The following LRCH3 variants were observed in gnomAD, a reference collection of about 807,000 sequenced individuals.
LRCH3 encodes DISP complex protein LRCH3.
In LRCH3, 68 loss-of-function variants were observed where a neutral mutation model predicts 104.5. The observed-to-expected ratio is 0.65, with a 90% CI of 0.54 to 0.80. LRCH3 has a LOEUF of 0.80. Ranked by LOEUF, LRCH3 falls within the 30% of genes least tolerant of loss-of-function variation. The pLI, the probability that LRCH3 is intolerant of heterozygous loss-of-function variation, is 0.00. For missense variants in LRCH3, 951 were observed against 953.9 expected (o/e 1.00, Z 0.04); for synonymous variants, 344 against 361.3 (o/e 0.95, Z 0.54).
chr3:197,861,717 A>C (rs771710623), intron 15 of LRCH3, among the ~76,000 whole-genome samples: 5 of 152,028 alleles, frequency 3.3e-5, no homozygotes, highest in Non-Finnish European at 7.4e-5. Flanking sequence ...AGTTGAGTTT[A>C]TATCAGTTCT....
At chr3:197,839,120 T>C (rs1737393646) in intron 9 of LRCH3, among the ~76,000 whole-genome samples, 1 of 152,176 alleles carries the variant, frequency 6.6e-6, no homozygotes, top group Non-Finnish European at 1.5e-5. Flanking sequence ...AAATAAATGT[T>C]TGTGGATTGT....
At chr3:197,797,736 C>A (rs1287612747) in intron 1 of LRCH3, among the ~76,000 whole-genome samples, 3 of 151,806 alleles carry the variant, frequency 2.0e-5, no homozygotes, top group Admixed American at 6.6e-5. Flanking sequence ...TTGGCAGGCG[C>A]CTATAATCCC....
chr3:197,828,559 A>G (rs1480459814), intron 5 of LRCH3, among the ~76,000 whole-genome samples: 1 of 149,464 alleles, frequency 6.7e-6, no homozygotes, highest in Non-Finnish European at 1.5e-5. Context: ...GTTAGCCAGA[A>G]TGGTCTCAAT....
intron 10 of LRCH3, among the ~76,000 whole-genome samples, chr3:197,844,945 G>A (rs1182677593): frequency 6.6e-6 from 1 of 152,034 alleles, no homozygotes; most frequent in Non-Finnish European, 1.5e-5. Flanking sequence ...TTAATAAGGG[G>A]AGGACTAAGA....
At chr3:197,861,783 C>CT (rs557362664) in intron 15 of LRCH3, among the ~76,000 whole-genome samples, 1 of 151,288 alleles carries the variant, frequency 6.6e-6, no homozygotes, top group Non-Finnish European at 1.5e-5. Context: ...ATTTCTTAAC[C>CT]TTTTTTTTGC....
intron 2 of LRCH3, among the ~76,000 whole-genome samples, chr3:197,815,679 T>A (rs1166239377): frequency 6.6e-6 from 1 of 152,228 alleles, no homozygotes; most frequent in Non-Finnish European, 1.5e-5. Context: ...GAAATTACTT[T>A]GTTTCTTGTG....
chr3:197,881,226 C>T, intron 20 of LRCH3: 1 of 998,108 alleles, frequency 1.0e-6, no homozygotes, highest in South Asian at 4.4e-5. Context: ...TGAACTGTGT[C>T]CTGAGATCCT....
rs1007503351 is a variant in LRCH3, at chr3:197,856,759, T to A, written c.1645-2075T>A. Among the ~76,000 whole-genome samples, 5 of 152,202 alleles carry A rather than the reference T, an allele frequency of 3.3e-5. No individual in the cohort carries two copies. The highest frequency in any genetic ancestry group is 1.2e-4 in the African/African-American group (5 of 41,450). ...GCTTCATGAACACAAGGATATTCTATTTTGTCTTAATGTACCTTAATACAC... is the reference window on the plus strand; with the variant it reads ...GCTTCATGAACACAAGGATATTCTAATTTGTCTTAATGTACCTTAATACAC... On this transcript the variant is annotated intron_variant, in intron 14 of 20. Transcript: ENST00000425562. This position sits in a 1 kb window ranked among gnomAD's most constrained non-coding sequence, Gnocchi z 4.2.
intron 15 of LRCH3, among the ~76,000 whole-genome samples, chr3:197,860,973 T>A (rs1466185000): frequency 3.1e-4 from 46 of 147,846 alleles, no homozygotes; most frequent in Admixed American, 1.2e-3. Context: ...GACCCCAACT[T>A]TTTTTTTTTT....
chr3:197,868,753 C>T (rs1711648228), intron 17 of LRCH3, among the ~76,000 whole-genome samples: 1 of 152,172 alleles, frequency 6.6e-6, no homozygotes, highest in African/African-American at 2.4e-5. Context: ...ACATACAATA[C>T]AGCATAATTT....
At chr3:197,873,330 T>C (rs1580893423) in intron 19 of LRCH3, among the ~76,000 whole-genome samples, 1 of 152,336 alleles carries the variant, frequency 6.6e-6, no homozygotes, top group African/African-American at 2.4e-5. Flanking sequence ...CTTACAGATG[T>C]AATATACTTT....
intron 1 of LRCH3, among the ~76,000 whole-genome samples, chr3:197,792,238 A>G (rs1490484823): frequency 1.3e-5 from 2 of 151,848 alleles, no homozygotes; most frequent in African/African-American, 2.4e-5. Context: ...TCCGACTCCC[A>G]TTAGTTTCCT....
intron 4 of LRCH3, among the ~76,000 whole-genome samples, chr3:197,826,158 A>G (rs1735178706): frequency 1.3e-5 from 2 of 152,372 alleles, no homozygotes; most frequent in Non-Finnish European, 2.9e-5. Context: ...TATAATGGTA[A>G]TTAAACAACA....
chr3:197,839,763 T>C (rs1737515523), intron 10 of LRCH3, among the ~76,000 whole-genome samples: 1 of 152,048 alleles, frequency 6.6e-6, no homozygotes, highest in African/African-American at 2.4e-5. Context: ...GAGGCTTGCT[T>C]GAGCCCAGGA....
intron 10 of LRCH3, among the ~76,000 whole-genome samples, chr3:197,844,735 A>C (rs996087445): frequency 4.2e-4 from 64 of 151,948 alleles, no homozygotes; most frequent in African/African-American, 1.5e-3. Flanking sequence ...CCCCTGCCTC[A>C]GCCTTCTGAG....
intron 15 of LRCH3, among the ~76,000 whole-genome samples, chr3:197,863,700 C>A (rs1409924965): frequency 6.6e-6 from 1 of 152,188 alleles, no homozygotes; most frequent in African/African-American, 2.4e-5. Flanking sequence ...AGTTCTTCCT[C>A]CTTTTTACAG....
intron 12 of LRCH3, chr3:197,850,351 C>CT (rs199876882): frequency 0.041 from 25,380 of 616,184 alleles, no homozygotes; most frequent in South Asian, 0.053. Context: ...ACCATTTTTT[C>CT]TTTTTTTTTT....
chr3:197,791,236 C>T, upstream of LRCH3: 2 of 1,596,076 alleles, frequency 1.3e-6, no homozygotes, highest in Non-Finnish European at 1.7e-6. Flanking sequence ...GGTCCGGCCG[C>T]GCATGCGCTG....
chr3:197,804,399 C>T (rs375581266), intron 1 of LRCH3, among the ~76,000 whole-genome samples: 1 of 152,084 alleles, frequency 6.6e-6, no homozygotes, highest in Admixed American at 6.6e-5. Context: ...GTTAGCAAGT[C>T]CTTTTAGACT....
Sources: allele counts gnomAD v4.1 joint callset (sites outside exome capture counted in the v4.1 genomes callset), GRCh38; gene constraint gnomAD v4.1.1; non-coding constraint Gnocchi (gnomAD v3.1); transcripts MANE v1.5; gene names NCBI Gene and HGNC (gene_info 2026-07-23, HGNC 2026-07-21).